SRGAP2: variants seen among roughly 807,000 people sequenced by gnomAD.
SRGAP2 encodes the protein SLIT-ROBO Rho GTPase activating protein 2, also known as SLIT-ROBO Rho GTPase-activating protein 2.
Under a neutral mutation model 57.2 loss-of-function variants are expected in SRGAP2, and 15 were observed. The observed-to-expected ratio is 0.26, with a 90% CI of 0.18 to 0.40. SRGAP2 has a LOEUF of 0.40. SRGAP2 is among the 10% of genes least tolerant of loss of function. The pLI is 1.00. For missense variants in SRGAP2, 520 were observed against 669.6 expected (o/e 0.78, Z 2.47); for synonymous variants, 249 against 248.0 (o/e 1.00, Z -0.04).
At chr1:206,325,973 A>G (rs1490771336) in intron 3 of SRGAP2, among the ~76,000 whole-genome samples, 1 of 152,024 alleles carries the variant, frequency 6.6e-6, no homozygotes, top group Non-Finnish European at 1.5e-5. Context: ...TCACACTTAC[A>G]GAAACTGCTC....
intron 2 of SRGAP2, among the ~76,000 whole-genome samples, chr1:206,238,956 C>T (rs1430708929): frequency 6.6e-6 from 1 of 151,304 alleles, no homozygotes; most frequent in African/African-American, 2.4e-5. Flanking sequence ...AGGGCCTGGG[C>T]TTGGAAGCTG....
intron 2 of SRGAP2, among the ~76,000 whole-genome samples, chr1:206,277,892 T>C (rs1379051684): frequency 1.3e-5 from 2 of 152,032 alleles, no homozygotes; most frequent in African/African-American, 4.8e-5. Context: ...GGCATGAGAA[T>C]TGCTTGAACC....
intron 3 of SRGAP2, among the ~76,000 whole-genome samples, chr1:206,327,259 G>T (rs1439009723): frequency 6.6e-6 from 1 of 150,762 alleles, no homozygotes; most frequent in African/African-American, 2.4e-5. Context: ...CCCAGGAGGC[G>T]GAGGTTGCGG....
At position 206,397,655 on chromosome 1, in the gene SRGAP2, C is replaced by T. The variant is rs564633768; in HGVS notation, c.832-3766C>T. The stretch of plus-strand genomic sequence containing the variant: ...AAACCTTGACTTCAGGCCAAAAAGA[C>T]GTTCTGAGCTCATTTGATGGCATCT... On this transcript the variant is annotated intron_variant, in intron 7 of 22. Transcript: ENST00000573034. Among the ~76,000 whole-genome samples, 6 of 146,584 alleles carry T rather than the reference C, an allele frequency of 4.1e-5. 1 individual carries two copies. Among genetic ancestry groups the T allele is most frequent in the African/African-American group, 1.4e-4 (5 of 36,864 alleles).
At position 206,450,409 on chromosome 1, in the gene SRGAP2, C is replaced by T; in HGVS notation, c.2123C>T (p.Thr708Ile). The change falls in exon 19 of 23, where the codon ACC becomes ATC. Residue 708 changes from threonine (T) to isoleucine (I), a missense_variant. Around this residue, in one of 5 missense-constraint regions of SRGAP2, gnomAD observed 478 missense variants for 373.6 expected, o/e 1.28. Transcript: ENST00000573034. ...DYCDSPHGET[T>I]SVEDSTQDVT... ...AGTGATAGCCCTCATGGAGAGACTA[C>T]CTCGGTTGAAGACTCAACCCAGGAT... 1.3e-6 allele frequency: 1 copy of T among 780,848 alleles called. No homozygotes were observed. Among genetic ancestry groups the T allele is most frequent in the Non-Finnish European group, 2.4e-6 (1 of 417,986 alleles). 48.4% of individuals were successfully genotyped at this position (780,848 alleles called of 1,614,324 possible).
At chr1:206,206,245 G>A in intron 2 of SRGAP2, 1 of 522,754 alleles carries the variant, frequency 1.9e-6, no homozygotes, top group Non-Finnish European at 3.5e-6. Flanking sequence ...TTTTGCAGTG[G>A]GCTGTAGGAG....
chr1:206,327,217 C>T (rs1240088559), intron 3 of SRGAP2, among the ~76,000 whole-genome samples: 2 of 151,956 alleles, frequency 1.3e-5, no homozygotes, highest in African/African-American at 4.8e-5. Context: ...ATCCCAGCTA[C>T]TCAGGAGGCT....
chr1:206,347,271 C>CAAAAAACAAA (rs1675703378), intron 4 of SRGAP2, among the ~76,000 whole-genome samples: 1 of 150,962 alleles, frequency 6.6e-6, no homozygotes, highest in African/African-American at 2.4e-5. Context: ...AAAAAAACAA[C>CAAAAAACAAA]AAAAAAACAA....
chr1:206,444,586 T>G lies in SRGAP2; in HGVS notation c.1875-1489T>G, dbSNP rs74145644. Among the ~76,000 whole-genome samples, 831 of 152,336 alleles carry G rather than the reference T, an allele frequency of 5.5e-3. 4 individuals carry two copies. The highest frequency in any genetic ancestry group is 0.019 in the African/African-American group (794 of 41,564). On this transcript the variant is annotated intron_variant, in intron 17 of 22. Transcript: ENST00000573034. ...ACACCAGGAACTGGCCAGCCTTGGA[T>G]TAGCTACAGCTTAAGCCTGCAGCAC... is the stretch of plus-strand genomic sequence containing the variant.
chr1:206,450,575 G>T lies in SRGAP2; in HGVS notation c.2179+110G>T, dbSNP rs782796882. 3.7e-4 allele frequency: 242 copies of T among 645,358 alleles called. 1 individual carries two copies. Among genetic ancestry groups the T allele is most frequent in the Non-Finnish European group, 4.9e-4 (174 of 352,440 alleles). 40.0% of individuals were successfully genotyped at this position (645,358 alleles called of 1,614,324 possible). A position where few individuals can be genotyped will look rare whatever the true frequency, so the allele number is the denominator to read the frequency against. On this transcript the variant is annotated intron_variant, in intron 19 of 22. Transcript: ENST00000573034. ...CTGTCTGCCCAGCGGTCCCCTGAGG[G>T]CAGGCAGAGAGCTCCCTGTCTCAAT...
intron 3 of SRGAP2, among the ~76,000 whole-genome samples, chr1:206,312,413 A>C (rs1208295864): frequency 2.0e-5 from 3 of 152,088 alleles, no homozygotes; most frequent in Non-Finnish European, 4.4e-5. Flanking sequence ...TGCGTTCTTC[A>C]TCTTTTGGAC....
chr1:206,453,428 T>C (rs782379617), intron 20 of SRGAP2, 48 bp downstream of exon 20: 1 of 544,850 alleles, frequency 1.8e-6, no homozygotes, highest in Non-Finnish European at 3.4e-6. Flanking sequence ...AGCTGCTCTA[T>C]GGGAGTGAGA....
At chr1:206,458,213 A>G (rs1189857812) in intron 21 of SRGAP2, among the ~76,000 whole-genome samples, 12 of 152,198 alleles carry the variant, frequency 7.9e-5, no homozygotes, top group Non-Finnish European at 1.8e-4. Context: ...AAAGTTAACT[A>G]TCCTCTTACC....
chr1:206,280,203 C>T (rs1396606271), intron 2 of SRGAP2, among the ~76,000 whole-genome samples: 2 of 145,726 alleles, frequency 1.4e-5, no homozygotes, highest in East Asian at 4.0e-4. Flanking sequence ...CGTCAGCCTC[C>T]TGAATAGCTG....
intron 5 of SRGAP2, among the ~76,000 whole-genome samples, chr1:206,389,166 T>C (rs1553349482): frequency 5.1e-5 from 1 of 19,760 alleles, no homozygotes; most frequent in Non-Finnish European, 8.8e-5. Context: ...TCAGACTTCC[T>C]TTTTTTTTTT....
chr1:206,276,460 T>G (rs1299727941), intron 2 of SRGAP2, among the ~76,000 whole-genome samples: 13 of 117,514 alleles, frequency 1.1e-4, no homozygotes, highest in Middle Eastern at 3.8e-3. Flanking sequence ...TTTTTGTGTG[T>G]GGGGTGGGGG....
In SRGAP2 at chr1:206,450,374, C is replaced by A. The variant is rs1553375379; in HGVS notation, c.2100-12C>A. 1 of 780,678 alleles carries A rather than the reference C, an allele frequency of 1.3e-6. No homozygotes were observed. 48.4% of individuals were successfully genotyped at this position (780,678 alleles called of 1,614,324 possible). ...CATGTTAATGTCCCTGTCACTCTTG[C>A]TTCTGTTGCAGTGATAGCCCTCATG... On this transcript the variant is annotated splice_polypyrimidine_tract_variant and intron_variant, in intron 18 of 22. Coordinates refer to ENST00000573034, the MANE Select transcript of SRGAP2 (RefSeq NM_015326.5).
At position 206,397,041 on chromosome 1, in the gene SRGAP2, A is replaced by G. The variant is rs546557041; in HGVS notation, c.831+3368A>G. ...ACCTATGTCAAGATATAGAATAAAT[A>G]TTTTGATAAGAGATATCTTTCCATT... On this transcript the variant is annotated intron_variant, in intron 7 of 22. Coordinates refer to ENST00000573034, the MANE Select transcript of SRGAP2 (RefSeq NM_015326.5). Among the ~76,000 whole-genome samples, 1,351 of 152,336 alleles carry G rather than the reference A, an allele frequency of 8.9e-3. 26 individuals carry two copies. The highest frequency in any genetic ancestry group is 0.031 in the African/African-American group (1,291 of 41,570).
rs1280587365 is a variant in SRGAP2 at position 206,328,373 on chromosome 1, G to C, written c.261-14473G>C. On this transcript the variant is annotated intron_variant, in intron 3 of 22. Transcript: ENST00000573034. ...GTATTTCTAGTTCTAGATCCCTGAG[G>C]AATCGCCACACTGACTTCCACAATG... is the stretch of plus-strand genomic sequence containing the variant. Among the ~76,000 whole-genome samples the C allele has an allele frequency of 3.2e-5, 3 of 94,882 alleles. No individual in the cohort carries two copies. In the Admixed American group the frequency reaches 3.5e-4, roughly 11 times the overall value. The allele number at this position is 94,882 out of a possible 152,430, so 62.2% of individuals were successfully genotyped here. A position where few individuals can be genotyped will look rare whatever the true frequency, so the allele number is the denominator to read the frequency against.
Sources: allele counts gnomAD v4.1 joint callset (sites outside exome capture counted in the v4.1 genomes callset), GRCh38; gene constraint gnomAD v4.1.1; regional missense constraint gnomAD v4.1.1; transcripts MANE v1.5; gene names NCBI Gene and HGNC (gene_info 2026-07-23, HGNC 2026-07-21).